The following TRPM6 variants were observed in gnomAD, a reference collection of about 807,000 sequenced individuals.
The protein encoded by TRPM6 is channel kinase 2.
A neutral mutation model predicts 247.6 loss-of-function variants in TRPM6; 111 were observed. The ratio of observed to expected loss-of-function variants is 0.45; its 90% CI spans 0.38 to 0.52. The LOEUF (loss-of-function observed/expected upper bound fraction) is 0.52, where lower values mean the gene tolerates loss of function less well. Among genes scored for constraint, TRPM6 ranks in the 20% least tolerant of loss-of-function variants. TRPM6 has a pLI of 0.00. For synonymous variants in TRPM6, 892 were observed against 853.8 expected (o/e 1.04, Z -0.78); for missense variants, 2,126 against 2,421.5 (o/e 0.88, Z 2.56).
intron 1 of TRPM6, among the ~76,000 whole-genome samples, chr9:74,862,760 T>C (rs1009647810): frequency 6.6e-6 from 1 of 152,106 alleles, no homozygotes; most frequent in African/African-American, 2.4e-5. Context: ...GGCGAGCAAG[T>C]CACTTGAGGT....
intron 25 of TRPM6, among the ~76,000 whole-genome samples, chr9:74,768,010 G>A (rs1264372909): frequency 6.6e-6 from 1 of 152,098 alleles, no homozygotes; most frequent in Admixed American, 6.5e-5. Context: ...ATAATTTTCA[G>A]ACGGTACATA....
At chr9:74,793,632 T>A (rs369224856) in intron 18 of TRPM6, among the ~76,000 whole-genome samples, 1 of 152,244 alleles carries the variant, frequency 6.6e-6, no homozygotes, top group Non-Finnish European at 1.5e-5. Flanking sequence ...CATACATTGA[T>A]GATGCATGGC....
chr9:74,739,488 T>C lies in TRPM6; in HGVS notation c.5488-39A>G, dbSNP rs764737255. 3.1e-6 allele frequency: 5 copies of C among 1,588,146 alleles called. No homozygotes were observed. In the Admixed American group the frequency reaches 8.3e-5, roughly 26 times the overall value. ...AGCACTGATAAAAATACTGATTTAC[T>C]GTTGTACAGCTATGATCATGAAATT... On this transcript the variant is annotated intron_variant, in intron 34 of 38. Coordinates refer to ENST00000360774, the MANE Select transcript of TRPM6 (RefSeq NM_017662.5).
Position 74,762,414 on chromosome 9 carries a change from C to T in TRPM6, c.4257G>A (p.Lys1419=), listed in dbSNP as rs1165036285. ...TCAAAGTGGGTAGCACTTGCTCTGC[C>T]TTGTCTTGTCCATCCAGTAAGTGAG... The part of the protein sequence containing the change: ...PIAHLLDGQD[K]AEQVLPTLSC... Residue 1419 remains lysine (K), a synonymous_variant, in exon 26 of 39, where the codon AAG becomes AAA. Transcript: ENST00000360774. 31 of 1,614,108 alleles carry T rather than the reference C, an allele frequency of 1.9e-5. No homozygotes were observed. Among genetic ancestry groups the T allele is most frequent in the Non-Finnish European group, 2.6e-5 (31 of 1,180,050 alleles).
At position 74,738,699 on chromosome 9, in the gene TRPM6, A is replaced by G. The variant is rs974461813; in HGVS notation, c.5571-87T>C. 9 of 1,149,480 alleles carry G rather than the reference A, an allele frequency of 7.8e-6. No individual in the cohort carries two copies. In the African/African-American group the frequency reaches 1.2e-4, roughly 16 times the overall value. The allele number at this position is 1,149,480 out of a possible 1,614,324, so 71.2% of individuals were successfully genotyped here. A position where few individuals can be genotyped will look rare whatever the true frequency, so the allele number is the denominator to read the frequency against. ...TGAGCAGTCATCAGCAGGGAAGATT[A>G]CCTAACTCTGGTATGATGCAGCCTC... On this transcript the variant is annotated intron_variant, in intron 35 of 38. Transcript: ENST00000360774.
chr9:74,800,021 G>A, intron 17 of TRPM6: 1 of 550,176 alleles, frequency 1.8e-6, no homozygotes, highest in Non-Finnish European at 3.3e-6. Flanking sequence ...CCCTCCCAAA[G>A]CTGCACGCTC....
chr9:74,865,595 A>C (rs753480895), intron 1 of TRPM6, among the ~76,000 whole-genome samples: 8 of 152,192 alleles, frequency 5.3e-5, no homozygotes, highest in Non-Finnish European at 1.2e-4. Flanking sequence ...AATTCTCTCC[A>C]ATTTCCAAGC....
rs1829878041 is a variant in TRPM6, at chr9:74,840,047, A to G, written c.521T>C (p.Ile174Thr). ...ACCTGTATTGATGCCTTCAGTTATT[A>G]TCCACGCTCCTGTTGTCTCTGCAGC... ...VKAAETTGAW[I>T]ITEGINTGVS... Residue 174 changes from isoleucine to threonine, a missense_variant, in exon 5 of 39, where the codon ATA becomes ACA. Around this residue, in one of 3 missense-constraint regions of TRPM6, gnomAD observed 1,082 missense variants for 1,307.9 expected, o/e 0.83. Coordinates refer to ENST00000360774, the MANE Select transcript of TRPM6 (RefSeq NM_017662.5). 1 of 1,613,926 alleles carries G rather than the reference A, an allele frequency of 6.2e-7. No individual in the cohort carries two copies. The highest frequency in any genetic ancestry group is 1.3e-5 in the African/African-American group (1 of 74,898).
chr9:74,795,680 T>G (rs1370389004), intron 18 of TRPM6, among the ~76,000 whole-genome samples: 1 of 152,246 alleles, frequency 6.6e-6, no homozygotes, highest in Non-Finnish European at 1.5e-5. Flanking sequence ...CTTCTGCTGT[T>G]GGTTAACCCA....
At chr9:74,819,386 AT>A (rs1241106723) in intron 9 of TRPM6, among the ~76,000 whole-genome samples, 2 of 152,008 alleles carry the variant, frequency 1.3e-5, no homozygotes, top group Non-Finnish European at 2.9e-5. Flanking sequence ...GCTCATGCCT[AT>A]AATCCCAGCA....
At chr9:74,887,561 C>T in intron 1 of TRPM6, 5 of 1,461,272 alleles carry the variant, frequency 3.4e-6, no homozygotes, top group Non-Finnish European at 4.6e-6. Context: ...CTGACACCAC[C>T]TCCGCTATGG....
At chr9:74,769,435 C>G (rs1333573954) in intron 25 of TRPM6, among the ~76,000 whole-genome samples, 1 of 152,128 alleles carries the variant, frequency 6.6e-6, no homozygotes, top group African/African-American at 2.4e-5. Context: ...AGGAGTGAGC[C>G]ACCTTGCCCG....
At chr9:74,852,804 C>T (rs1830379389) in intron 3 of TRPM6, among the ~76,000 whole-genome samples, 1 of 152,184 alleles carries the variant, frequency 6.6e-6, no homozygotes, top group Non-Finnish European at 1.5e-5. Context: ...TCAATGTTGC[C>T]CAGGCTGGAG....
Position 74,762,890 on chromosome 9 carries a change from C to A in TRPM6, c.3781G>T (p.Val1261Phe). The A allele has an allele frequency of 6.2e-7, 1 of 1,612,002 alleles. No homozygotes were observed. Among genetic ancestry groups the A allele is most frequent in the Non-Finnish European group, 8.5e-7 (1 of 1,178,702 alleles). Residue 1261 changes from valine to phenylalanine, a missense_variant, in exon 26 of 39, where the codon GTT becomes TTT. Val to Phe is a conservative substitution (Grantham distance 50). Around this residue, in one of 3 missense-constraint regions of TRPM6, gnomAD observed 717 missense variants for 715.9 expected, o/e 1.00. Transcript: ENST00000360774. ...CCAGCGATCTCCATGCTGCCTAGAA[C>A]CTCTGCACAGATGACATTGCTCCAG... ...HSWSNVICAEVLGSMEIAGEK... is the reference protein window; with the variant it reads ...HSWSNVICAEFLGSMEIAGEK...
rs112768416 is a variant in TRPM6 at position 74,886,014 on chromosome 9, T to G, written c.33+1810A>C. On this transcript the variant is annotated intron_variant, in intron 1 of 38. Coordinates refer to ENST00000360774, the MANE Select transcript of TRPM6 (RefSeq NM_017662.5). ...ATGCTTGATAGTTTTGGCATAGATG[T>G]CCTATCCAAAAAATTAACTATGATA... Among the ~76,000 whole-genome samples, 462 of 152,332 alleles carry G rather than the reference T, an allele frequency of 3.0e-3. 1 individual carries two copies. Among genetic ancestry groups the G allele is most frequent in the Middle Eastern group, 0.014 (4 of 294 alleles).
intron 1 of TRPM6, among the ~76,000 whole-genome samples, chr9:74,866,092 G>A (rs904249896): frequency 3.9e-5 from 6 of 152,168 alleles, no homozygotes; most frequent in African/African-American, 1.2e-4. Context: ...TTGAGCCCAG[G>A]AGATCAAGGC....
At chr9:74,833,159 A>T (rs1032457659) in intron 6 of TRPM6, among the ~76,000 whole-genome samples, 6 of 152,226 alleles carry the variant, frequency 3.9e-5, no homozygotes, top group African/African-American at 1.4e-4. Context: ...CATTTATAGC[A>T]ATCAGTTCTG....
intron 4 of TRPM6, among the ~76,000 whole-genome samples, chr9:74,840,557 G>A (rs1198871455): frequency 6.6e-6 from 1 of 152,216 alleles, no homozygotes; most frequent in Non-Finnish European, 1.5e-5. Flanking sequence ...GCTCACGCCT[G>A]TAATTCCAGC....
At chr9:74,803,708 C>T (rs951340359) in intron 15 of TRPM6, 86 bp downstream of exon 15, 4 of 958,218 alleles carry the variant, frequency 4.2e-6, no homozygotes, top group Non-Finnish European at 6.9e-6. Flanking sequence ...TCTATTTGCA[C>T]CTCCCTTTCT....
Sources: allele counts gnomAD v4.1 joint callset (sites outside exome capture counted in the v4.1 genomes callset), GRCh38; gene constraint gnomAD v4.1.1; regional missense constraint gnomAD v4.1.1; transcripts MANE v1.5; gene names NCBI Gene and HGNC (gene_info 2026-07-23, HGNC 2026-07-21).